The following NHSL2 variants were observed in gnomAD, a reference collection of about 807,000 sequenced individuals.
The protein encoded by NHSL2 is NHS-like protein 2.
NHSL2 carries 27 observed loss-of-function variants against 53.4 expected under a neutral mutation model. That is an observed-to-expected ratio of 0.51 (90% CI 0.37 to 0.70). The LOEUF (loss-of-function observed/expected upper bound fraction) is 0.70, where lower values mean the gene tolerates loss of function less well. Ranked by LOEUF, NHSL2 falls within the 30% of genes least tolerant of loss-of-function variation. NHSL2 has a pLI of 0.00. For missense variants in NHSL2, 892 were observed against 980.1 expected (o/e 0.91, Z 1.20); for synonymous variants, 408 against 404.1 (o/e 1.01, Z -0.12).
At chrX:71,928,595 T>G (rs998694414) in intron 1 of NHSL2, among the ~76,000 whole-genome samples, 3 of 110,747 alleles carry the variant, frequency 2.7e-5, no homozygotes, top group East Asian at 2.8e-4. Context: ...ATTTTTGGAG[T>G]TGGGGAAAGC....
chrX:71,930,205 C>T (rs1040445864), intron 1 of NHSL2, among the ~76,000 whole-genome samples: 3 of 111,763 alleles, frequency 2.7e-5, no homozygotes, highest in Non-Finnish European at 3.8e-5. Flanking sequence ...ACCTCCCACC[C>T]GTTTCACCGG....
At chrX:71,935,807 G>A (rs2041735391) in intron 1 of NHSL2, among the ~76,000 whole-genome samples, 1 of 112,185 alleles carries the variant, frequency 8.9e-6, no homozygotes, top group East Asian at 2.8e-4. Context: ...AGCCAGGACT[G>A]GGAAGCTGCC....
At chrX:72,015,780 A>G (rs1035910497) in intron 1 of NHSL2, among the ~76,000 whole-genome samples, 1 of 112,302 alleles carries the variant, frequency 8.9e-6, no homozygotes, top group Admixed American at 9.4e-5. Flanking sequence ...GGCCATCTGT[A>G]ACTCTCCTTT....
chrX:71,936,524 A>G (rs2041739241), intron 1 of NHSL2, among the ~76,000 whole-genome samples: 1 of 112,917 alleles, frequency 8.9e-6, no homozygotes, highest in Non-Finnish European at 1.9e-5. Context: ...AGGGAATCCC[A>G]CAGAGGTGTT....
rs772500872 is a variant in NHSL2 at position 72,020,744 on chromosome X, C to A, written c.280+109377C>A. Among the ~76,000 whole-genome samples, 121 of 112,887 alleles carry A rather than the reference C, an allele frequency of 1.1e-3. 1 individual carries two copies. Among genetic ancestry groups the A allele is most frequent in the South Asian group, 3.3e-3 (9 of 2,737 alleles). On this transcript the variant is annotated intron_variant, in intron 1 of 7. Coordinates refer to ENST00000633930, the MANE Select transcript of NHSL2 (RefSeq NM_001013627.3). Reference sequence around the variant, plus strand: ...AGCTCCATCCCCAACACAGTGGCTCCTTTTTTGCCCTGGTTCCTTGCTTTT... The same window carrying A: ...AGCTCCATCCCCAACACAGTGGCTCATTTTTTGCCCTGGTTCCTTGCTTTT...
chrX:72,004,869 T>TTGAA (rs1205292361), intron 1 of NHSL2, among the ~76,000 whole-genome samples: 1 of 108,225 alleles, frequency 9.2e-6, no homozygotes, highest in East Asian at 2.9e-4. Flanking sequence ...CAAGTGTTGG[T>TTGAA]TGAATGAATG....
intron 1 of NHSL2, among the ~76,000 whole-genome samples, chrX:72,110,059 C>T (rs1355693638): frequency 2.7e-5 from 3 of 111,442 alleles, no homozygotes; most frequent in Non-Finnish European, 5.7e-5. Context: ...CCAAGGATGC[C>T]GGGAACAGAG....
intron 1 of NHSL2, among the ~76,000 whole-genome samples, chrX:72,057,240 A>G (rs763270648): frequency 8.9e-6 from 1 of 112,039 alleles, no homozygotes; most frequent in East Asian, 2.8e-4. Flanking sequence ...TTATCTATCC[A>G]TGCAAGGTCC....
At chrX:72,052,204 C>T (rs1194976969) in intron 1 of NHSL2, among the ~76,000 whole-genome samples, 1 of 112,061 alleles carries the variant, frequency 8.9e-6, no homozygotes, top group African/African-American at 3.2e-5. Context: ...CTTTGTGGCA[C>T]TTCCAATGTG....
At chrX:72,065,065 G>A (rs760313230) in intron 1 of NHSL2, among the ~76,000 whole-genome samples, 11 of 111,488 alleles carry the variant, frequency 9.9e-5, no homozygotes, top group Non-Finnish European at 1.7e-4. Flanking sequence ...ACCCAACCTG[G>A]ATGTGCACCT....
At chrX:72,103,680 A>G (rs1188751139) in intron 1 of NHSL2, among the ~76,000 whole-genome samples, 1 of 112,235 alleles carries the variant, frequency 8.9e-6, no homozygotes, top group African/African-American at 3.2e-5. Flanking sequence ...CCATGAGCCA[A>G]CTGACTGGGT....
chrX:72,100,992 C>T (rs1306262467), intron 1 of NHSL2, among the ~76,000 whole-genome samples: 2 of 109,920 alleles, frequency 1.8e-5, no homozygotes, highest in Admixed American at 9.7e-5. Context: ...TCAGAGGCAT[C>T]TCTGTTCACA....
At chrX:71,933,097 T>C (rs2041721390) in intron 1 of NHSL2, among the ~76,000 whole-genome samples, 1 of 112,170 alleles carries the variant, frequency 8.9e-6, no homozygotes, top group South Asian at 3.7e-4. Context: ...GGCCTCCTTT[T>C]TACAGAATTC....
chrX:72,139,517 A>T lies in NHSL2; in HGVS notation c.1969A>T (p.Thr657Ser). ...DTYQSLSSSS[T>S]ATGTTVIECT... is the part of the protein sequence containing the mutation. ...CTACCAATCCCTGTCCAGCTCCAGC[A>T]CTGCCACTGGCACCACAGTCATTGA... Residue 657 changes from threonine (T) to serine (S), a missense_variant, in exon 6 of 8, where the codon ACT becomes TCT. Physicochemically the swap from Thr to Ser is moderately conservative, Grantham distance 58. Coordinates refer to ENST00000633930, the MANE Select transcript of NHSL2 (RefSeq NM_001013627.3). 8.3e-7 allele frequency: 1 copy of T among 1,211,464 alleles called. No homozygotes were observed. The highest frequency in any genetic ancestry group is 1.1e-6 in the Non-Finnish European group (1 of 895,124).
rs765296604 is a variant in NHSL2, at chrX:72,148,922, C to T, written c.*5348C>T. ...GTTACTCCTTCAAGCCCCTGAATCA[C>T]TATAGCCACGACTCTCCAACTGATT... On this transcript the variant is annotated 3_prime_UTR_variant, in exon 8 of 8. Transcript: ENST00000633930. 2.0e-4 allele frequency: 21 copies of T among 107,068 alleles called. No individual in the cohort carries two copies. Among genetic ancestry groups the T allele is most frequent in the African/African-American group, 6.8e-4 (20 of 29,340 alleles). 8.8% of individuals were successfully genotyped at this position (107,068 alleles called of 1,213,427 possible).
At chrX:72,025,330 G>C (rs1405951323) in intron 1 of NHSL2, among the ~76,000 whole-genome samples, 1 of 112,617 alleles carries the variant, frequency 8.9e-6, no homozygotes, top group Non-Finnish European at 1.9e-5. Flanking sequence ...CATGACAAAG[G>C]GGTCCACGCC....
chrX:71,918,643 C>T (rs145501807), intron 1 of NHSL2, among the ~76,000 whole-genome samples: 2,337 of 111,530 alleles, frequency 0.021, 72 homozygotes, highest in African/African-American at 0.073. Context: ...GTGGTATCTC[C>T]GAGTTGTCAG....
At chrX:71,988,585 C>T (rs6525562) in intron 1 of NHSL2, among the ~76,000 whole-genome samples, 7,126 of 110,338 alleles carry the variant, frequency 0.065, 233 homozygotes, top group East Asian at 0.28. Context: ...ACACTAACTC[C>T]CCTAAATTGG....
rs753593209 is a variant in NHSL2, at chrX:72,138,669, A to G, written c.1121A>G (p.Tyr374Cys). 9 of 1,187,232 alleles carry G rather than the reference A, an allele frequency of 7.6e-6. No homozygotes were observed. The highest frequency in any genetic ancestry group is 1.7e-5 in the African/African-American group (1 of 57,336). ...PPGMESMGMVYSVPSSCNGPT... is the reference protein window; with the variant it reads ...PPGMESMGMVCSVPSSCNGPT... Reference sequence around the variant, plus strand: ...GGCATGGAGAGCATGGGAATGGTGTACAGTGTCCCCAGTTCTTGCAATGGA... The same window carrying G: ...GGCATGGAGAGCATGGGAATGGTGTGCAGTGTCCCCAGTTCTTGCAATGGA... The change falls in exon 6 of 8, where the codon TAC becomes TGC. Residue 374 changes from tyrosine (Y) to cysteine (C), a missense_variant. Physicochemically the swap from Tyr to Cys is radical, Grantham distance 194 (BLOSUM62 -2). Transcript: ENST00000633930.
Sources: allele counts gnomAD v4.1 joint callset (sites outside exome capture counted in the v4.1 genomes callset), GRCh38; gene constraint gnomAD v4.1.1; transcripts MANE v1.5; gene names NCBI Gene and HGNC (gene_info 2026-07-23, HGNC 2026-07-21).